The following ZNF584 variants were observed in gnomAD, a reference collection of about 807,000 sequenced individuals.
ZNF584 encodes zinc finger protein 584.
ZNF584 carries 12 observed loss-of-function variants against 14.7 expected under a neutral mutation model. That is an observed-to-expected ratio of 0.82 (90% CI 0.52 to 1.32). The LOEUF (loss-of-function observed/expected upper bound fraction) is 1.32. ZNF584 is among the 40% of genes most tolerant of loss of function. The probability of loss-of-function intolerance (pLI) is 0.00; values close to 1 mark genes in which losing one functional copy is unlikely to be tolerated. For missense variants in ZNF584, 478 were observed against 518.8 expected, an observed-to-expected ratio of 0.92 and a Z score of 0.76; for synonymous variants, 204 against 190.9, an observed-to-expected ratio of 1.07 and a Z score of -0.57.
At chr19:58,410,644 T>G in intron 2 of ZNF584, among the ~76,000 whole-genome samples, 1 of 28,452 alleles carries the variant, frequency 3.5e-5, no homozygotes, top group African/African-American at 3.6e-4. Flanking sequence ...TGTATATATA[T>G]GTGTATATAT....
intron 3 of ZNF584, chr19:58,415,988 C>T: frequency 1.3e-6 from 2 of 1,583,450 alleles, no homozygotes; most frequent in Non-Finnish European, 1.7e-6. Context: ...ACACCAGCTA[C>T]TATTTTGGAA....
rs34511020 is a variant in ZNF584 at position 58,409,929 on chromosome 19, A to T, written c.19-12A>T. Reference sequence around the variant, plus strand: ...TTTTGGTTGTTTTTTTCTGCCCATCATTGACCCCAAGGCTCAGTTGGACCC... The same window carrying T: ...TTTTGGTTGTTTTTTTCTGCCCATCTTTGACCCCAAGGCTCAGTTGGACCC... On this transcript the variant is annotated splice_polypyrimidine_tract_variant and intron_variant, in intron 1 of 3. Transcript: ENST00000306910. 6.2e-7 allele frequency: 1 copy of T among 1,613,550 alleles called. No individual in the cohort carries two copies. The highest frequency in any genetic ancestry group is 8.5e-7 in the Non-Finnish European group (1 of 1,179,796).
chr19:58,415,719 A>T, intron 3 of ZNF584, 73 bp downstream of exon 3: 1 of 1,609,926 alleles, frequency 6.2e-7, no homozygotes, highest in African/African-American at 1.3e-5. Flanking sequence ...GCATACACCG[A>T]TACCTTGGTG....
upstream of ZNF584, among the ~76,000 whole-genome samples, chr19:58,403,870 G>C (rs2052446279): frequency 6.7e-6 from 1 of 150,262 alleles, no homozygotes; most frequent in Middle Eastern, 3.2e-3. Flanking sequence ...TCGTGAGGCT[G>C]AGACAGAATT....
Position 58,417,589 on chromosome 19 carries a change from C to A in ZNF584, c.1071C>A (p.Ser357Arg), listed in dbSNP as rs771579442. The change falls in exon 4 of 4, where the codon AGC becomes AGA. Residue 357 changes from serine (S) to arginine (R), a missense_variant. By Grantham distance (110) the Ser-to-Arg change is moderately radical. Transcript: ENST00000306910. ...VHTGERPYECSLCGKTFTTRS... is the reference protein window; with the variant it reads ...VHTGERPYECRLCGKTFTTRS... The stretch of plus-strand genomic sequence containing the variant: ...CTGGGGAACGGCCCTATGAATGTAG[C>A]CTGTGTGGGAAAACCTTCACTACCA... The A allele has an allele frequency of 6.2e-7, 1 of 1,614,168 alleles. No individual in the cohort carries two copies. The highest frequency in any genetic ancestry group is 1.7e-5 in the Admixed American group (1 of 60,010).
exon 1 of ZNF584, chr19:58,401,633 G>A (rs1483912947): frequency 6.6e-6 from 1 of 152,074 alleles, no homozygotes; most frequent in Non-Finnish European, 1.5e-5. Context: ...GGGACCCCAG[G>A]ATGGGGGACA....
chr19:58,415,389 G>A (rs1224598106), intron 2 of ZNF584, 135 bp from the exon 3 acceptor site: 5 of 876,294 alleles, frequency 5.7e-6, no homozygotes, highest in Non-Finnish European at 8.7e-6. Context: ...GTAGAGTTGG[G>A]GTCTTACTGT....
rs1291671700 is a variant in ZNF584, at chr19:58,410,772, T to C, written c.169+681T>C. 1.5e-4 allele frequency among the ~76,000 whole-genome samples: 7 copies of C among 47,140 alleles called. 1 individual carries two copies. Among genetic ancestry groups the C allele is most frequent in the African/African-American group, 7.4e-4 (7 of 9,478 alleles). The allele number at this position is 47,140 out of a possible 152,430, so 30.9% of individuals were successfully genotyped here. ...ATATATATATATATATGTATATATATATATAATTTTTTTTTTTTTTTTTTT... is the reference window on the plus strand; with the variant it reads ...ATATATATATATATATGTATATATACATATAATTTTTTTTTTTTTTTTTTT... On this transcript the variant is annotated intron_variant, in intron 2 of 3. Transcript: ENST00000306910.
chr19:58,404,728 C>T (rs1261200085), upstream of ZNF584: 24 of 221,866 alleles, frequency 1.1e-4, no homozygotes, highest in African/African-American at 5.0e-4. Flanking sequence ...CATCATGGCC[C>T]GTTCTCAACG....
Position 58,418,176 on chromosome 19 carries a change from C to G in ZNF584, c.*392C>G, listed in dbSNP as rs113449773. On this transcript the variant is annotated 3_prime_UTR_variant, in exon 4 of 4. Transcript: ENST00000306910. ...CCCACCTCTGGCCGGAGGAGCTGAG[C>G]TGGTATCTGCTGGGGGCTTCCTGGG... 3,519 of 225,072 alleles carry G rather than the reference C, an allele frequency of 0.016. 116 individuals are homozygous for G. The highest frequency in any genetic ancestry group is 0.074 in the African/African-American group (3,276 of 44,234). 13.9% of individuals were successfully genotyped at this position (225,072 alleles called of 1,614,324 possible).
At chr19:58,410,803 T>C (rs1599949026) in intron 2 of ZNF584, among the ~76,000 whole-genome samples, 1 of 91,868 alleles carries the variant, frequency 1.1e-5, no homozygotes, top group East Asian at 3.1e-4. Flanking sequence ...TTTTTTTTTT[T>C]TTTTTTGAGA....
chr19:58,409,946 G>T lies in ZNF584; in HGVS notation c.24G>T (p.Gln8His), dbSNP rs1286828675. Residue 8 changes from glutamine (Q) to histidine (H), a missense_variant, in exon 2 of 4, where the codon CAG (glutamine) becomes CAT (histidine). Transcript: ENST00000306910. MAGEAEA[Q>H]LDPSLQGLVM... is the part of the protein sequence containing the mutation. ...TGCCCATCATTGACCCCAAGGCTCA[G>T]TTGGACCCATCATTGCAGGGCTTGG... 1 of 1,614,122 alleles carries T rather than the reference G, an allele frequency of 6.2e-7. No homozygotes were observed. Among genetic ancestry groups the T allele is most frequent in the South Asian group, 1.1e-5 (1 of 91,080 alleles).
intron 2 of ZNF584, 90 bp downstream of exon 2, chr19:58,410,181 G>T: frequency 1.1e-5 from 16 of 1,455,560 alleles, no homozygotes; most frequent in Non-Finnish European, 1.5e-5. Flanking sequence ...AGACCATGGG[G>T]GCTCTTTCCT....
chr19:58,405,359 T>C, upstream of ZNF584: 1 of 78,634 alleles, frequency 1.3e-5, no homozygotes. Flanking sequence ...GAGGCGCCCC[T>C]CATCTCCCGG....
chr19:58,415,959 A>G, intron 3 of ZNF584: 1 of 1,593,922 alleles, frequency 6.3e-7, no homozygotes, highest in Non-Finnish European at 8.5e-7. Flanking sequence ...ACTTCAGCCA[A>G]TCCTTAATTA....
chr19:58,416,724 C>A (rs1568588786), intron 3 of ZNF584, 87 bp from the exon 4 acceptor site: 7 of 1,483,206 alleles, frequency 4.7e-6, no homozygotes, highest in Non-Finnish European at 4.5e-6. Context: ...CTATGGAGTC[C>A]TTCTGGGTGT....
At position 58,417,906 on chromosome 19, in the gene ZNF584, G is replaced by A. The variant is rs183058574; in HGVS notation, c.*122G>A. The A allele has an allele frequency of 2.2e-4, 277 of 1,276,782 alleles. No homozygotes were observed. The Admixed American group carries it at 2.8e-3, about 13-fold the overall frequency. 79.1% of individuals were successfully genotyped at this position (1,276,782 alleles called of 1,614,324 possible). On this transcript the variant is annotated 3_prime_UTR_variant, in exon 4 of 4. Transcript: ENST00000306910. ...AACACCCACCCCAGGGAGAGTTCCC[G>A]TGTGTGCCTGGTGTGTGGGACGCTT...
rs766674470 is a variant in ZNF584, at chr19:58,417,411, A to G, written c.893A>G (p.Tyr298Cys). The G allele has an allele frequency of 1.2e-6, 2 of 1,603,714 alleles. No homozygotes were observed. Among genetic ancestry groups the G allele is most frequent in the South Asian group, 1.1e-5 (1 of 90,822 alleles). The change falls in exon 4 of 4, where the codon TAT becomes TGT. Residue 298 changes from tyrosine (Y) to cysteine (C), a missense_variant. Tyr to Cys is a radical substitution (Grantham distance 194, BLOSUM62 -2). This residue lies in a region of ZNF584 where 283 missense variants were observed against 317.3 expected (regional missense o/e 0.89). Transcript: ENST00000306910. ...HRKVHIGERP[Y>C]ECTECGKFFK... ...AAAGTGCACATTGGAGAAAGGCCCT[A>G]TGAGTGTACAGAATGTGGGAAGTTC...
intron 1 of ZNF584, 57 bp from the exon 2 acceptor site, chr19:58,409,884 A>G: frequency 6.2e-7 from 1 of 1,609,374 alleles, no homozygotes. Context: ...CAAGGGCCTG[A>G]ATGTGTCCAT....
Sources: gnomAD v4.1 joint callset for allele counts (sites outside exome capture counted in the v4.1 genomes callset) on GRCh38, gnomAD v4.1.1 for gene constraint, gnomAD v4.1.1 regional missense constraint, MANE v1.5 for transcripts, NCBI Gene and HGNC (gene_info 2026-07-23, HGNC 2026-07-21) for gene names.